NFKBID: variants seen among roughly 807,000 people sequenced by gnomAD.
The protein encoded by NFKBID is NFKB inhibitor delta, also known as NF-kappa-B inhibitor delta.
A neutral mutation model predicts 53.4 loss-of-function variants in NFKBID; 26 were observed. That is an observed-to-expected ratio of 0.49 (90% CI 0.36 to 0.68). The LOEUF is 0.68. Ranked by LOEUF, NFKBID falls within the 30% of genes least tolerant of loss-of-function variation. The pLI is 0.00. For missense variants in NFKBID, 493 were observed against 614.1 expected (o/e 0.80, Z 2.08); for synonymous variants, 262 against 259.8 (o/e 1.01, Z -0.08).
chr19:35,896,178 G>T lies in NFKBID; in HGVS notation c.883+40C>A, dbSNP rs1467693478. 2 of 1,614,006 alleles carry T rather than the reference G, an allele frequency of 1.2e-6. No homozygotes were observed. Among genetic ancestry groups the T allele is most frequent in the Admixed American group, 3.3e-5 (2 of 60,022 alleles). On this transcript the variant is annotated intron_variant, in intron 8 of 11. Transcript: ENST00000641389. The surrounding 1 kb of genome is among the most constrained non-coding windows in gnomAD (Gnocchi z 5.7). Reference sequence around the variant, plus strand: ...CCCGCATCTGCACCCACCTCGCCCAGCCACACCAACCACACCAGCCCTGCC... The same window carrying T: ...CCCGCATCTGCACCCACCTCGCCCATCCACACCAACCACACCAGCCCTGCC...
In NFKBID at chr19:35,896,153, C is replaced by A. The variant is rs749081727; in HGVS notation, c.884-25G>T. 6.2e-7 allele frequency: 1 copy of A among 1,613,770 alleles called. No homozygotes were observed. The highest frequency in any genetic ancestry group is 8.5e-7 in the Non-Finnish European group (1 of 1,179,838). On this transcript the variant is annotated intron_variant, in intron 8 of 11. Transcript: ENST00000641389. This position sits in a 1 kb window ranked among gnomAD's most constrained non-coding sequence, Gnocchi z 5.7. ...CCTGCAGAATGGAGACAGTGAGGGA[C>A]CCGCATCTGCACCCACCTCGCCCAG...
exon 12 of NFKBID, chr19:35,888,603 G>A (rs1184762571): frequency 6.4e-7 from 1 of 1,571,322 alleles, no homozygotes; most frequent in Non-Finnish European, 8.6e-7. Flanking sequence ...CTCTTCAACA[G>A]CTGCCGGAGC....
At position 35,896,977 on chromosome 19, in the gene NFKBID, C is replaced by T. The variant is rs774907877; in HGVS notation, c.514G>A (p.Ala172Thr). ...CCCAAAGCCAGCATGTGAGCTCGGGCCACCTCCAGCGATGGTCCAGGGACC... is the reference window on the plus strand; with the variant it reads ...CCCAAAGCCAGCATGTGAGCTCGGGTCACCTCCAGCGATGGTCCAGGGACC... Residue 172 changes from alanine to threonine, a missense_variant, in exon 5 of 12, where the codon GCC becomes ACC. Physicochemically the swap from Ala to Thr is moderately conservative, Grantham distance 58 (BLOSUM62 0). Transcript: ENST00000641389. The surrounding 1 kb of genome is among the most constrained non-coding windows in gnomAD (Gnocchi z 5.7). 5 of 1,608,386 alleles carry T rather than the reference C, an allele frequency of 3.1e-6. No individual in the cohort carries two copies. The East Asian group carries it at 8.9e-5, about 29-fold the overall frequency.
chr19:35,889,473 C>T (rs1388741089), intron 11 of NFKBID, among the ~76,000 whole-genome samples: 4 of 152,058 alleles, frequency 2.6e-5, no homozygotes, highest in African/African-American at 9.7e-5. Context: ...GGGAAAGGGG[C>T]TGCTGGCTGG....
chr19:35,897,999 G>A (rs1245711719), intron 3 of NFKBID, 143 bp from the exon 4 acceptor site: 3 of 630,520 alleles, frequency 4.8e-6, no homozygotes, highest in Admixed American at 5.6e-5. Flanking sequence ...GGATTCCTGG[G>A]ACACTGAGGA....
rs1172376080 is a variant in NFKBID at position 35,896,862 on chromosome 19, CAGCCCCCACCAAGCCAAG to C, written c.578+33_579-32del. Reference sequence around the variant, plus strand: ...GACAGGTGGGGGACAGCCGTGAGAACAGCCCCCACCAAGCCAAGAGTCTGCAGACAACCCTATCCCTTA... The same window carrying C: ...GACAGGTGGGGGACAGCCGTGAGAACAGTCTGCAGACAACCCTATCCCTTA... On this transcript the variant is annotated intron_variant, in intron 5 of 11. Coordinates refer to ENST00000641389, the Ensembl canonical transcript of NFKBID. The surrounding 1 kb of genome is among the most constrained non-coding windows in gnomAD (Gnocchi z 5.7). 6.2e-7 allele frequency: 1 copy of C among 1,613,546 alleles called. No individual in the cohort carries two copies. Among genetic ancestry groups the C allele is most frequent in the East Asian group, 2.2e-5 (1 of 44,878 alleles).
At chr19:35,890,124 A>G (rs1974656258) in intron 10 of NFKBID, 70 bp from the exon 11 acceptor site, 3 of 1,453,932 alleles carry the variant, frequency 2.1e-6, no homozygotes, top group African/African-American at 1.4e-5. Flanking sequence ...CTGCACTTCA[A>G]TTTCTGCCTT....
exon 4 of NFKBID, chr19:35,897,664 G>A: frequency 6.3e-7 from 1 of 1,582,368 alleles, no homozygotes; most frequent in Non-Finnish European, 8.7e-7. Context: ...CATGCCCTGG[G>A]GAAATGGGCA....
At chr19:35,895,320 CAAAAAA>C (rs74172772) in intron 9 of NFKBID, among the ~76,000 whole-genome samples, 1 of 72,184 alleles carries the variant, frequency 1.4e-5, no homozygotes, top group Non-Finnish European at 3.5e-5. Context: ...TACTAAAATA[CAAAAAA>C]AAAAAAAAAA....
rs1399075700 is a variant in NFKBID, at chr19:35,896,133, A to G, written c.884-5T>C. ...CCGTGTGGAGCGGGGTGAGGCCTGC[A>G]GAATGGAGACAGTGAGGGACCCGCA... is the stretch of plus-strand genomic sequence containing the variant. On this transcript the variant is annotated splice_region_variant and splice_polypyrimidine_tract_variant and intron_variant, in intron 8 of 11. Coordinates refer to ENST00000641389, the Ensembl canonical transcript of NFKBID. The surrounding 1 kb of genome is among the most constrained non-coding windows in gnomAD (Gnocchi z 5.7). The G allele has an allele frequency of 1.5e-5, 25 of 1,614,020 alleles. No homozygotes were observed. Among genetic ancestry groups the G allele is most frequent in the Non-Finnish European group, 2.0e-5 (24 of 1,179,970 alleles).
rs1975169840 is a variant in NFKBID, at chr19:35,896,572, T to A, written c.685-34A>T. On this transcript the variant is annotated intron_variant, in intron 6 of 11. Coordinates refer to ENST00000641389, the Ensembl canonical transcript of NFKBID. This position sits in a 1 kb window ranked among gnomAD's most constrained non-coding sequence, Gnocchi z 5.7. ...CACAGGAGAAGTCAGGTTGGGCTCCTGGTTCCCTCCCGTCAGAAAACCAGG... is the reference window on the plus strand; with the variant it reads ...CACAGGAGAAGTCAGGTTGGGCTCCAGGTTCCCTCCCGTCAGAAAACCAGG... 6.2e-7 allele frequency: 1 copy of A among 1,611,290 alleles called. No homozygotes were observed. Among genetic ancestry groups the A allele is most frequent in the African/African-American group, 1.3e-5 (1 of 74,786 alleles).
intron 9 of NFKBID, among the ~76,000 whole-genome samples, chr19:35,891,759 T>G (rs1974783197): frequency 6.6e-6 from 1 of 151,742 alleles, no homozygotes; most frequent in Non-Finnish European, 1.5e-5. Flanking sequence ...CCCAGCTACT[T>G]GGGAGGCTGA....
chr19:35,900,484 G>C (rs1599631783), exon 1 of NFKBID: 1 of 1,231,908 alleles, frequency 8.1e-7, no homozygotes, highest in Non-Finnish European at 1.0e-6. Flanking sequence ...CCAGGGCCGC[G>C]GCCTCGGCGC....
chr19:35,893,118 G>A (rs939080281), intron 9 of NFKBID, among the ~76,000 whole-genome samples: 2 of 152,134 alleles, frequency 1.3e-5, no homozygotes, highest in Non-Finnish European at 2.9e-5. Context: ...GCAGTGATTC[G>A]TGATCGCACC....
At chr19:35,901,300 AG>A (rs1975557701), upstream of NFKBID, among the ~76,000 whole-genome samples, 1 of 152,132 alleles carries the variant, frequency 6.6e-6, no homozygotes, top group Non-Finnish European at 1.5e-5. Flanking sequence ...TCCCAGAGGA[AG>A]GGTCTGTGGG....
exon 12 of NFKBID, chr19:35,888,503 G>T: frequency 8.0e-7 from 1 of 1,253,286 alleles, no homozygotes; most frequent in Non-Finnish European, 1.1e-6. Context: ...GCATACGCTG[G>T]CTGTCCCGCA....
At chr19:35,889,505 G>A (rs1974603813) in intron 11 of NFKBID, among the ~76,000 whole-genome samples, 1 of 152,108 alleles carries the variant, frequency 6.6e-6, no homozygotes, top group South Asian at 2.1e-4. Flanking sequence ...TGGGGGTGAG[G>A]AATGAGAGGG....
chr19:35,895,835 C>T (rs1298955599), intron 9 of NFKBID, 145 bp downstream of exon 9: 3 of 711,034 alleles, frequency 4.2e-6, no homozygotes, highest in Admixed American at 2.8e-5. Flanking sequence ...CAAAAAACCC[C>T]TAAGGCACAG....
At chr19:35,897,614 G>T in intron 4 of NFKBID, 37 bp downstream of exon 4, 1 of 1,049,702 alleles carries the variant, frequency 9.5e-7, no homozygotes, top group Non-Finnish European at 1.5e-6. Context: ...GAATTTTTAG[G>T]GGCCCTTCAG....
Sources: gnomAD v4.1 joint callset for allele counts (sites outside exome capture counted in the v4.1 genomes callset) on GRCh38, gnomAD v4.1.1 for gene constraint, Gnocchi (gnomAD v3.1) non-coding constraint, MANE v1.5 for transcripts, NCBI Gene and HGNC (gene_info 2026-07-23, HGNC 2026-07-21) for gene names.